AFG2A: variants seen among roughly 807,000 people sequenced by gnomAD.
The protein encoded by AFG2A is ATPase family gene 2 protein homolog A.
At chr4:123,055,924 G>A in the AFG2A span, among the ~76,000 whole-genome samples, 1 of 152,186 alleles carries the variant, frequency 6.6e-6, no homozygotes, top group African/African-American at 2.4e-5. Flanking sequence ...AGTCTGCTGT[G>A]TTTCTTACAA....
At chr4:123,172,194 A>G in the AFG2A span, among the ~76,000 whole-genome samples, 1 of 152,160 alleles carries the variant, frequency 6.6e-6, no homozygotes, top group East Asian at 1.9e-4. Flanking sequence ...GAACTACCCT[A>G]ATTAGTGCCT....
At chr4:123,019,937 G>A in the AFG2A span, among the ~76,000 whole-genome samples, 3 of 152,166 alleles carry the variant, frequency 2.0e-5, no homozygotes, top group Non-Finnish European at 4.4e-5. Flanking sequence ...GGAAACTTAG[G>A]TTAAGAAAAT....
At chr4:123,117,168 A>G in the AFG2A span, among the ~76,000 whole-genome samples, 1 of 152,156 alleles carries the variant, frequency 6.6e-6, no homozygotes, top group African/African-American at 2.4e-5. Flanking sequence ...AACTGTTATC[A>G]GATGTTAAAA....
At chr4:122,955,077 A>G in the AFG2A span, among the ~76,000 whole-genome samples, 1 of 152,100 alleles carries the variant, frequency 6.6e-6, no homozygotes, top group Non-Finnish European at 1.5e-5. Flanking sequence ...TAAGGATGGC[A>G]CCAGGTTCAA....
the AFG2A span, among the ~76,000 whole-genome samples, chr4:123,063,605 G>A: frequency 6.6e-6 from 1 of 152,038 alleles, no homozygotes; most frequent in East Asian, 1.9e-4. Flanking sequence ...AATTAGCTGG[G>A]CGTGGTGGCA....
chr4:123,311,559 G>A, the AFG2A span, among the ~76,000 whole-genome samples: 8 of 146,472 alleles, frequency 5.5e-5, no homozygotes, highest in East Asian at 2.0e-4. Context: ...CCCAGGAGGC[G>A]GAGGTTGCAG....
At chr4:123,222,762 A>G in the AFG2A span, among the ~76,000 whole-genome samples, 1 of 152,166 alleles carries the variant, frequency 6.6e-6, no homozygotes, top group Admixed American at 6.6e-5. Flanking sequence ...TCTATTTTAG[A>G]TACCTCAGTT....
the AFG2A span, among the ~76,000 whole-genome samples, chr4:123,048,160 G>A: frequency 6.6e-6 from 1 of 152,116 alleles, no homozygotes; most frequent in Non-Finnish European, 1.5e-5. Context: ...TCGAAAATGA[G>A]TTGACTGTAA....
At chr4:123,076,004 C>T in the AFG2A span, among the ~76,000 whole-genome samples, 21 of 150,486 alleles carry the variant, frequency 1.4e-4, no homozygotes, top group South Asian at 8.5e-4. Flanking sequence ...AAAAAGAAAG[C>T]TCCCTGAACT....
the AFG2A span, among the ~76,000 whole-genome samples, chr4:123,113,930 G>A: frequency 2.2e-4 from 34 of 152,214 alleles, no homozygotes; most frequent in African/African-American, 7.2e-4. Flanking sequence ...CCTGGAGTGG[G>A]TGGCTCCTCT....
At chr4:122,939,366 G>A in the AFG2A span, among the ~76,000 whole-genome samples, 3 of 152,108 alleles carry the variant, frequency 2.0e-5, no homozygotes, top group African/African-American at 4.8e-5. Context: ...ACAGGCGTGA[G>A]CCACCGCGCC....
chr4:123,220,080 G>A, the AFG2A span, among the ~76,000 whole-genome samples: 22 of 151,910 alleles, frequency 1.4e-4, no homozygotes, highest in East Asian at 2.3e-3. Flanking sequence ...CATGTTGGCC[G>A]GGATGGTCTC....
chr4:123,030,331 CT>C, the AFG2A span, among the ~76,000 whole-genome samples: 167 of 152,246 alleles, frequency 1.1e-3, no homozygotes, highest in African/African-American at 3.9e-3. Flanking sequence ...CCTAGAATTA[CT>C]TAGAAATATA....
the AFG2A span, among the ~76,000 whole-genome samples, chr4:123,279,592 T>C: frequency 6.6e-6 from 1 of 152,178 alleles, no homozygotes; most frequent in Non-Finnish European, 1.5e-5. Flanking sequence ...ATAGTAGTTA[T>C]AATAATAGTA....
At chr4:123,271,118 G>A in the AFG2A span, among the ~76,000 whole-genome samples, 1 of 152,196 alleles carries the variant, frequency 6.6e-6, no homozygotes. Context: ...ATGCTAGAGA[G>A]TGAATATAGC....
chr4:122,941,974 G>A, the AFG2A span, among the ~76,000 whole-genome samples: 3 of 151,926 alleles, frequency 2.0e-5, no homozygotes, highest in Admixed American at 2.0e-4. Flanking sequence ...TGCATCCCAG[G>A]GATGAAGCCC....
At chr4:123,301,971 A>G in the AFG2A span, among the ~76,000 whole-genome samples, 1 of 152,164 alleles carries the variant, frequency 6.6e-6, no homozygotes, top group Non-Finnish European at 1.5e-5. Context: ...GTCCCAAACT[A>G]GACTACCCAG....
the AFG2A span, among the ~76,000 whole-genome samples, chr4:123,005,501 A>G: frequency 1.3e-5 from 2 of 151,600 alleles, no homozygotes; most frequent in African/African-American, 2.4e-5. Flanking sequence ...TTCTACTCTA[A>G]TCTTTGTTAT....
At chr4:123,004,871 G>T in the AFG2A span, among the ~76,000 whole-genome samples, 1 of 152,206 alleles carries the variant, frequency 6.6e-6, no homozygotes, top group African/African-American at 2.4e-5. Flanking sequence ...GAAGGCTTAT[G>T]TAAATTTTAA....
Sources: gnomAD v4.1 joint callset for allele counts (sites outside exome capture counted in the v4.1 genomes callset) on GRCh38, gnomAD v4.1.1 for gene constraint, MANE v1.5 for transcripts, NCBI Gene and HGNC (gene_info 2026-07-23, HGNC 2026-07-21) for gene names.